The following EBF2 variants were observed in gnomAD, a reference collection of about 807,000 sequenced individuals.
The protein encoded by EBF2 is EBF transcription factor 2, also known as transcription factor COE2.
A neutral mutation model predicts 72.8 loss-of-function variants in EBF2; 21 were observed. That is an observed-to-expected ratio of 0.29 (90% CI 0.20 to 0.42). The LOEUF is 0.42. Among genes scored for constraint, EBF2 ranks in the 10% least tolerant of loss-of-function variants. The pLI is 1.00. For synonymous variants in EBF2, 299 were observed against 274.2 expected, an observed-to-expected ratio of 1.09 and a Z score of -0.89; for missense variants, 637 against 731.2, an observed-to-expected ratio of 0.87 and a Z score of 1.49.
intron 6 of EBF2, among the ~76,000 whole-genome samples, chr8:25,978,098 C>T (rs1778098287): frequency 6.6e-6 from 1 of 152,132 alleles, no homozygotes; most frequent in Non-Finnish European, 1.5e-5. Context: ...CTCCTGTCAC[C>T]GAACCCTCGT....
intron 6 of EBF2, among the ~76,000 whole-genome samples, chr8:25,937,581 T>C (rs1803600207): frequency 6.6e-6 from 1 of 152,224 alleles, no homozygotes; most frequent in Non-Finnish European, 1.5e-5. Flanking sequence ...GAGAGGGTAC[T>C]GTACACGTTT....
At chr8:25,914,388 T>TGGGACCC (rs1325645671) in intron 6 of EBF2, among the ~76,000 whole-genome samples, 1 of 152,158 alleles carries the variant, frequency 6.6e-6, no homozygotes, top group African/African-American at 2.4e-5. Flanking sequence ...AAGGTGAAGG[T>TGGGACCC]TAGCAGTGGG....
chr8:25,876,513 T>C (rs1024483898), intron 10 of EBF2, among the ~76,000 whole-genome samples: 2 of 152,176 alleles, frequency 1.3e-5, no homozygotes, highest in Non-Finnish European at 2.9e-5. Flanking sequence ...CATATTGCAA[T>C]CTGAAAACCA....
At chr8:25,928,841 C>G (rs1803434291) in intron 6 of EBF2, among the ~76,000 whole-genome samples, 2 of 149,346 alleles carry the variant, frequency 1.3e-5, no homozygotes, top group Non-Finnish European at 3.0e-5. Flanking sequence ...GAGGACACCT[C>G]TTTCCACCAG....
At chr8:25,874,853 C>CTTTTTTTTTT (rs1183233269) in intron 10 of EBF2, among the ~76,000 whole-genome samples, 1 of 99,574 alleles carries the variant, frequency 1.0e-5, no homozygotes, top group Non-Finnish European at 1.9e-5. Flanking sequence ...GCCTGGCTAA[C>CTTTTTTTTTT]TTTTTTTTTT....
chr8:26,017,417 A>G (rs906997672), intron 6 of EBF2, among the ~76,000 whole-genome samples: 8 of 152,138 alleles, frequency 5.3e-5, no homozygotes, highest in African/African-American at 7.2e-5. Context: ...TGTTTTTGAT[A>G]AAATAGACCA....
intron 6 of EBF2, among the ~76,000 whole-genome samples, chr8:25,911,598 C>T (rs1338411504): frequency 6.6e-6 from 1 of 152,228 alleles, no homozygotes; most frequent in Non-Finnish European, 1.5e-5. Flanking sequence ...AGTTACCTCA[C>T]ATTCATTCTC....
At chr8:25,937,125 A>T (rs1001184715) in intron 6 of EBF2, among the ~76,000 whole-genome samples, 1 of 152,264 alleles carries the variant, frequency 6.6e-6, no homozygotes, top group Admixed American at 6.5e-5. Context: ...GTCAGAAGGT[A>T]TAAGAATCCA....
intron 14 of EBF2, 108 bp downstream of exon 14, chr8:25,858,211 C>G (rs754171959): frequency 7.3e-7 from 1 of 1,362,572 alleles, no homozygotes; most frequent in Non-Finnish European, 1.0e-6. Context: ...TAGGCTGCTC[C>G]CCGACAACTT....
intron 6 of EBF2, among the ~76,000 whole-genome samples, chr8:25,983,093 C>T (rs1328193533): frequency 2.0e-5 from 3 of 152,078 alleles, no homozygotes; most frequent in African/African-American, 4.8e-5. Context: ...TCCGCATGCA[C>T]GAGCACGTTC....
At chr8:25,913,113 C>A (rs1298662131) in intron 6 of EBF2, among the ~76,000 whole-genome samples, 1 of 152,136 alleles carries the variant, frequency 6.6e-6, no homozygotes, top group Non-Finnish European at 1.5e-5. Context: ...AATTGGAATA[C>A]AAGATCTAGT....
chr8:25,889,683 T>C (rs2117292914), intron 8 of EBF2, 69 bp downstream of exon 8: 4 of 1,260,882 alleles, frequency 3.2e-6, no homozygotes, highest in Non-Finnish European at 4.6e-6. Context: ...AGACATAAAT[T>C]TGAAGTTCGA....
At chr8:25,953,332 C>T (rs533618102) in intron 6 of EBF2, among the ~76,000 whole-genome samples, 3 of 152,154 alleles carry the variant, frequency 2.0e-5, no homozygotes, top group East Asian at 1.9e-4. Flanking sequence ...GTTGAATGAA[C>T]GATTAAAGGA....
chr8:25,914,382 T>A (rs1237004812), intron 6 of EBF2, among the ~76,000 whole-genome samples: 1 of 152,112 alleles, frequency 6.6e-6, no homozygotes, highest in South Asian at 2.1e-4. Context: ...CTAGGGAAGG[T>A]GAAGGTTAGC....
intron 6 of EBF2, among the ~76,000 whole-genome samples, chr8:26,021,913 T>C (rs73675790): frequency 1.0e-3 from 159 of 152,342 alleles, no homozygotes; most frequent in African/African-American, 3.7e-3. Context: ...CCTCAGCTCA[T>C]GTGTCAGAAA....
chr8:25,962,276 G>C (rs1389924401), intron 6 of EBF2, among the ~76,000 whole-genome samples: 1 of 152,140 alleles, frequency 6.6e-6, no homozygotes, highest in Admixed American at 6.5e-5. Context: ...CAGGGTGTTG[G>C]TAGTTGTGGT....
At chr8:25,902,770 G>A (rs1265552108) in intron 7 of EBF2, among the ~76,000 whole-genome samples, 1 of 152,180 alleles carries the variant, frequency 6.6e-6, no homozygotes, top group Non-Finnish European at 1.5e-5. Flanking sequence ...GTCAGAAAAT[G>A]CATCACTAAG....
chr8:25,980,125 C>T (rs1244419929), intron 6 of EBF2, among the ~76,000 whole-genome samples: 1 of 152,210 alleles, frequency 6.6e-6, no homozygotes, highest in Non-Finnish European at 1.5e-5. Context: ...CCCTTGGGTG[C>T]TACCCCCTCA....
Position 26,040,668 on chromosome 8 carries a change from A to T in EBF2, c.356T>A (p.Val119Asp). The T allele has an allele frequency of 6.4e-7, 1 of 1,555,014 alleles. No individual in the cohort carries two copies. The change falls in exon 4 of 16, where the codon GTC (valine) becomes GAC (aspartate). Residue 119 changes from valine (V) to aspartate (D), a missense_variant. Around this residue, in one of 3 missense-constraint regions of EBF2, gnomAD observed 174 missense variants for 161.9 expected, o/e 1.07. Coordinates refer to ENST00000520164, the MANE Select transcript of EBF2 (RefSeq NM_022659.4). ...YKLQLLYSNG[V>D]RTEQDLYVRL... is the part of the protein sequence containing the mutation. ...GACATAGAGGTCCTGTTCCGTGCGGACACCTGCGGGGACCGGAGGGGCACG... is the reference window on the plus strand; with the variant it reads ...GACATAGAGGTCCTGTTCCGTGCGGTCACCTGCGGGGACCGGAGGGGCACG...
Sources: allele counts gnomAD v4.1 joint callset (sites outside exome capture counted in the v4.1 genomes callset), GRCh38; gene constraint gnomAD v4.1.1; regional missense constraint gnomAD v4.1.1; transcripts MANE v1.5; gene names NCBI Gene and HGNC (gene_info 2026-07-23, HGNC 2026-07-21).